RAB38: variants seen among roughly 807,000 people sequenced by gnomAD.
RAB38 encodes the protein RAB38, member RAS oncogene family.
Under a neutral mutation model 18.4 loss-of-function variants are expected in RAB38, and 15 were observed. That is an observed-to-expected ratio of 0.82 (90% CI 0.55 to 1.26). The LOEUF is 1.26. Ranked by LOEUF, RAB38 falls within the 50% of genes most tolerant of loss-of-function variation. The pLI, the probability that RAB38 is intolerant of heterozygous loss-of-function variation, is 0.00. For missense variants in RAB38, 294 were observed against 267.4 expected, an observed-to-expected ratio of 1.10 and a Z score of -0.69; for synonymous variants, 101 against 104.4, an observed-to-expected ratio of 0.97 and a Z score of 0.20.
the RAB38 span, among the ~76,000 whole-genome samples, chr11:87,902,904 T>TAA: frequency 1.3e-5 from 2 of 150,948 alleles, no homozygotes; most frequent in Non-Finnish European, 3.0e-5. Context: ...CATATATATA[T>TAA]AATGCTTGTA....
the RAB38 span, among the ~76,000 whole-genome samples, chr11:87,964,558 T>C: frequency 6.6e-6 from 1 of 152,036 alleles, no homozygotes; most frequent in African/African-American, 2.4e-5. Context: ...CAAAACGACA[T>C]TGTAAATAGG....
At chr11:87,976,764 C>CATAATATATATTTATATATTAT in the RAB38 span, among the ~76,000 whole-genome samples, 1 of 95,222 alleles carries the variant, frequency 1.1e-5, no homozygotes, top group African/African-American at 4.4e-5. Flanking sequence ...ATATATTTCA[C>CATAATATATATTTATATATTAT]ATAATATATA....
At chr11:87,902,146 C>T in the RAB38 span, among the ~76,000 whole-genome samples, 3 of 151,362 alleles carry the variant, frequency 2.0e-5, no homozygotes. Context: ...TGAAAAAGAG[C>T]TCATACGGCT....
the RAB38 span, among the ~76,000 whole-genome samples, chr11:88,075,055 A>G: frequency 6.6e-6 from 1 of 152,192 alleles, no homozygotes; most frequent in Non-Finnish European, 1.5e-5. Flanking sequence ...AAATATACAA[A>G]TTAATTATTA....
At chr11:87,975,624 T>C in the RAB38 span, among the ~76,000 whole-genome samples, 1 of 151,868 alleles carries the variant, frequency 6.6e-6, no homozygotes, top group Non-Finnish European at 1.5e-5. Flanking sequence ...GTTAATAACA[T>C]ATGCAGAAGT....
At chr11:87,811,618 A>G in the RAB38 span, among the ~76,000 whole-genome samples, 31 of 152,170 alleles carry the variant, frequency 2.0e-4, no homozygotes, top group African/African-American at 7.0e-4. Flanking sequence ...TGCTGCTCTC[A>G]GTTGTACGGT....
the RAB38 span, among the ~76,000 whole-genome samples, chr11:88,045,473 G>A: frequency 1.2e-4 from 18 of 152,284 alleles, no homozygotes; most frequent in East Asian, 5.8e-4. Context: ...TACAAGTGCC[G>A]GAAATCTGGC....
At position 88,173,877 on chromosome 11, in the gene RAB38, G is replaced by T. The variant is rs529728496; in HGVS notation, c.202+1306C>A. The T allele has an allele frequency of 6.1e-3, 6,057 of 985,372 alleles. 18 individuals are homozygous for T. Among genetic ancestry groups the T allele is most frequent in the Non-Finnish European group, 6.8e-3 (5,655 of 829,922 alleles). The allele number at this position is 985,372 out of a possible 1,614,324, so 61.0% of individuals were successfully genotyped here. A position where few individuals can be genotyped will look rare whatever the true frequency, so the allele number is the denominator to read the frequency against. ...AGGCCTGGCAGTTCATGATTAAAGA[G>T]GCACGAAAGTCCCCAGATCACAAAT... On this transcript the variant is annotated intron_variant, in intron 1 of 2. Coordinates refer to ENST00000243662, the MANE Select transcript of RAB38 (RefSeq NM_022337.3).
chr11:88,096,471 T>C, the RAB38 span, among the ~76,000 whole-genome samples: 1 of 151,906 alleles, frequency 6.6e-6, no homozygotes, highest in Admixed American at 6.6e-5. Flanking sequence ...TCTACCTTTC[T>C]CTGCAAAACT....
the RAB38 span, among the ~76,000 whole-genome samples, chr11:87,892,326 A>T: frequency 6.6e-6 from 1 of 151,776 alleles, no homozygotes; most frequent in African/African-American, 2.4e-5. Flanking sequence ...GTCCTAAAAA[A>T]TTTTGCCTGA....
At chr11:88,166,656 T>A (rs1232644700) in intron 1 of RAB38, 1 of 152,064 alleles carries the variant, frequency 6.6e-6, no homozygotes, top group Non-Finnish European at 1.5e-5. Context: ...CCATTTGACA[T>A]CCAAATGAAT....
the RAB38 span, among the ~76,000 whole-genome samples, chr11:87,935,873 CAG>C: frequency 9.9e-5 from 15 of 152,104 alleles, no homozygotes; most frequent in African/African-American, 1.4e-4. Context: ...TTTATTCACT[CAG>C]AGTGGTTTTA....
At chr11:88,058,626 T>C in the RAB38 span, among the ~76,000 whole-genome samples, 1 of 152,118 alleles carries the variant, frequency 6.6e-6, no homozygotes, top group Non-Finnish European at 1.5e-5. Context: ...GGTATTGAAA[T>C]AATTTCAAGG....
intron 1 of RAB38, among the ~76,000 whole-genome samples, chr11:88,152,026 C>T (rs1943068538): frequency 6.6e-6 from 1 of 152,214 alleles, no homozygotes; most frequent in Non-Finnish European, 1.5e-5. Flanking sequence ...ACGTAAGCCC[C>T]AGATGAACTT....
the RAB38 span, among the ~76,000 whole-genome samples, chr11:88,060,696 T>C: frequency 4.6e-5 from 7 of 152,174 alleles, no homozygotes; most frequent in African/African-American, 1.7e-4. Flanking sequence ...CCTATATATT[T>C]AAGGATATTT....
chr11:87,902,721 T>C, the RAB38 span, among the ~76,000 whole-genome samples: 3 of 151,412 alleles, frequency 2.0e-5, no homozygotes, highest in East Asian at 5.9e-4. Flanking sequence ...TTCAGTGTAC[T>C]TGTATCTATG....
chr11:88,099,732 G>T, the RAB38 span, among the ~76,000 whole-genome samples: 1 of 151,800 alleles, frequency 6.6e-6, no homozygotes, highest in Non-Finnish European at 1.5e-5. Context: ...TAGGACAAGA[G>T]TGTTGGGTCA....
intron 1 of RAB38, among the ~76,000 whole-genome samples, chr11:88,164,161 C>T (rs987120951): frequency 6.6e-6 from 1 of 151,114 alleles, no homozygotes; most frequent in Non-Finnish European, 1.5e-5. Flanking sequence ...TTATAAATAA[C>T]CCCCAAGAGA....
the RAB38 span, among the ~76,000 whole-genome samples, chr11:88,051,634 G>A: frequency 2.0e-5 from 3 of 152,090 alleles, no homozygotes; most frequent in Non-Finnish European, 4.4e-5. Context: ...ACTTACATGG[G>A]AAAAAGCAAT....
Sources: allele counts gnomAD v4.1 joint callset (sites outside exome capture counted in the v4.1 genomes callset), GRCh38; gene constraint gnomAD v4.1.1; transcripts MANE v1.5; gene names NCBI Gene and HGNC (gene_info 2026-07-23, HGNC 2026-07-21).